The following MIF4GD variants were observed in gnomAD, a reference collection of about 807,000 sequenced individuals.
MIF4GD encodes MIF4G domain containing.
MIF4GD carries 22 observed loss-of-function variants against 26.7 expected under a neutral mutation model. The ratio of observed to expected loss-of-function variants is 0.82; its 90% confidence interval spans 0.59 to 1.18. The LOEUF (loss-of-function observed/expected upper bound fraction) is 1.18. MIF4GD is among the 50% of genes most tolerant of loss of function. MIF4GD has a pLI of 0.00. For synonymous variants in MIF4GD, 137 were observed against 111.6 expected (o/e 1.23, Z -1.43); for missense variants, 262 against 279.6 (o/e 0.94, Z 0.45).
In MIF4GD at chr17:75,270,425, C is replaced by A; in HGVS notation, c.-50-180G>T. The A allele has an allele frequency of 1.8e-6, 1 of 543,382 alleles. No homozygotes were observed. The highest frequency in any genetic ancestry group is 3.2e-5 in the Admixed American group (1 of 31,694). 33.7% of individuals were successfully genotyped at this position (543,382 alleles called of 1,614,324 possible). On this transcript the variant is annotated intron_variant, in intron 1 of 5. Coordinates refer to ENST00000325102, the MANE Select transcript of MIF4GD (RefSeq NM_001370592.1). This position sits in a 1 kb window ranked among gnomAD's most constrained non-coding sequence, Gnocchi z 5.7. ...CTTCTGGTGGGGACTGGGCATCAGCCAGGCACCTGCTGCTCAGTTTAGAAA... is the reference window on the plus strand; with the variant it reads ...CTTCTGGTGGGGACTGGGCATCAGCAAGGCACCTGCTGCTCAGTTTAGAAA...
At position 75,268,205 on chromosome 17, in the gene MIF4GD, A is replaced by G. The variant is rs201890407; in HGVS notation, c.83-13T>C. The stretch of plus-strand genomic sequence containing the variant: ...ACAGCACCCGGATCTAGGGGTAGAG[A>G]TAGGAGGGGAGTCTAGAGCTGCTGC... On this transcript the variant is annotated splice_polypyrimidine_tract_variant and intron_variant, in intron 2 of 5. Coordinates refer to ENST00000325102, the MANE Select transcript of MIF4GD (RefSeq NM_001370592.1). The G allele has an allele frequency of 6.2e-7, 1 of 1,602,840 alleles. No individual in the cohort carries two copies. The highest frequency in any genetic ancestry group is 8.5e-7 in the Non-Finnish European group (1 of 1,169,752).
rs973041400 is a variant in MIF4GD at position 75,267,181 on chromosome 17, G to A, written c.442-214C>T. On this transcript the variant is annotated intron_variant, in intron 5 of 5. Coordinates refer to ENST00000325102, the MANE Select transcript of MIF4GD (RefSeq NM_001370592.1). ...ATCTGGCCAGGCTCCACTCAAGCCT[G>A]TCTCCAAACCACTTCTTCATCCCAC... is the stretch of plus-strand genomic sequence containing the variant. 9.9e-5 allele frequency among the ~76,000 whole-genome samples: 6 copies of A among 60,386 alleles called. No individual in the cohort carries two copies. The South Asian group carries it at 3.1e-3, about 31-fold the overall frequency. 39.6% of individuals were successfully genotyped at this position (60,386 alleles called of 152,430 possible). A position where few individuals can be genotyped will look rare whatever the true frequency, so the allele number is the denominator to read the frequency against.
intron 2 of MIF4GD, chr17:75,269,491 C>T (rs773711408): frequency 1.3e-6 from 2 of 1,593,564 alleles, no homozygotes; most frequent in South Asian, 2.2e-5. Flanking sequence ...CAGAAACCAG[C>T]AATTCAAATG....
chr17:75,269,742 T>TC (rs1491340233), intron 2 of MIF4GD, among the ~76,000 whole-genome samples: 1 of 75,260 alleles, frequency 1.3e-5, no homozygotes, highest in African/African-American at 5.7e-5. Context: ...CTTTTCTTTC[T>TC]TTTTTTTTTT....
chr17:75,266,896 A>G lies in MIF4GD; in HGVS notation c.513T>C (p.Asp171=), dbSNP rs1186561767. The G allele has an allele frequency of 6.2e-7, 1 of 1,613,740 alleles. No individual in the cohort carries two copies. Among genetic ancestry groups the G allele is most frequent in the Non-Finnish European group, 8.5e-7 (1 of 1,179,642 alleles). The change falls in exon 6 of 6, where the codon GAT becomes GAC. Residue 171 remains aspartate (D), a synonymous_variant. Transcript: ENST00000325102. ...QLEKMNGQRM[D]ELFVLIRDGF... is the part of the protein sequence containing the mutation. ...CATCCCGGATCAGCACAAAGAGCTC[A>G]TCCATGCGCTGCCCATTCATTTTCT...
intron 2 of MIF4GD, among the ~76,000 whole-genome samples, 166 bp downstream of exon 2, chr17:75,269,948 G>A (rs2077668363): frequency 6.6e-6 from 1 of 151,908 alleles, no homozygotes; most frequent in Non-Finnish European, 1.5e-5. Flanking sequence ...CAAAATAATG[G>A]CCTCAATGTA....
In MIF4GD at chr17:75,267,816, A is replaced by T; in HGVS notation, c.278T>A (p.Leu93Gln). 1 of 1,614,078 alleles carries T rather than the reference A, an allele frequency of 6.2e-7. No homozygotes were observed. The highest frequency in any genetic ancestry group is 8.5e-7 in the Non-Finnish European group (1 of 1,180,010). Residue 93 changes from leucine to glutamine, a missense_variant, in exon 4 of 6, where the codon CTG becomes CAG. Transcript: ENST00000325102. ...LQQEYQAREQ[L>Q]RARSLQGWVC... ...CCAGCCCTGCAGGGAGCGTGCTCGC[A>T]GCTGCTCCCGAGCCTGGTACTCCTG...
Position 75,266,794 on chromosome 17 carries a change from G to A in MIF4GD, c.615C>T (p.Gly205=). 6.2e-7 allele frequency: 1 copy of A among 1,614,216 alleles called. No individual in the cohort carries two copies. Among genetic ancestry groups the A allele is most frequent in the Non-Finnish European group, 8.5e-7 (1 of 1,180,036 alleles). Residue 205 remains glycine, a synonymous_variant, in exon 6 of 6, where the codon GGC becomes GGT. Transcript: ENST00000325102. The part of the protein sequence containing the change: ...LLEIIEFRAA[G]WKTTPAAHKY... ...TGTGGGCAGCTGGCGTTGTCTTCCAGCCGGCCGCCCGGAACTCAATGATCT... is the reference window on the plus strand; with the variant it reads ...TGTGGGCAGCTGGCGTTGTCTTCCAACCGGCCGCCCGGAACTCAATGATCT...
chr17:75,267,021 A>C, intron 5 of MIF4GD, 54 bp from the exon 6 acceptor site: 1 of 1,513,724 alleles, frequency 6.6e-7, no homozygotes, highest in Non-Finnish European at 9.0e-7. Context: ...CCAGCCTCTC[A>C]CACAGCATTT....
At position 75,266,965 on chromosome 17, in the gene MIF4GD, C is replaced by G; in HGVS notation, c.444G>C (p.Val148=). 6.2e-7 allele frequency: 1 copy of G among 1,612,960 alleles called. No homozygotes were observed. Among genetic ancestry groups the G allele is most frequent in the Non-Finnish European group, 8.5e-7 (1 of 1,179,586 alleles). Residue 148 remains valine (V), a splice_region_variant and synonymous_variant, in exon 6 of 6, where the codon GTG becomes GTC. Transcript: ENST00000325102. The stretch of plus-strand genomic sequence containing the variant: ...GGTGCAGCTGCAGCACCAAACAGTC[C>G]ACCTGCAGGCGACAGTGTGGGTAAC... The part of the protein sequence containing the change: ...QPDSLSKEEE[V]DCLVLQLHRV...
In MIF4GD at chr17:75,268,284, G is replaced by A. The variant is rs968418727; in HGVS notation, c.83-92C>T. ...AAGAATTTGAGATATTTACAGTAGA[G>A]CACTCATATGCTTGAAGTGAAAGAG... On this transcript the variant is annotated intron_variant, in intron 2 of 5. Coordinates refer to ENST00000325102, the MANE Select transcript of MIF4GD (RefSeq NM_001370592.1). 3 of 924,322 alleles carry A rather than the reference G, an allele frequency of 3.2e-6. No homozygotes were observed. The African/African-American group carries it at 4.9e-5, about 15-fold the overall frequency. 57.3% of individuals were successfully genotyped at this position (924,322 alleles called of 1,614,324 possible).
chr17:75,270,350 C>A lies in MIF4GD; in HGVS notation c.-50-105G>T. ...GACGGCGCGCTCGGGACAGGGACTC[C>A]TGGGCGGTCCGTGGCGTGCGGTGGT... On this transcript the variant is annotated intron_variant, in intron 1 of 5. Coordinates refer to ENST00000325102, the MANE Select transcript of MIF4GD (RefSeq NM_001370592.1). This position sits in a 1 kb window ranked among gnomAD's most constrained non-coding sequence, Gnocchi z 5.7. 1 of 651,200 alleles carries A rather than the reference C, an allele frequency of 1.5e-6. No homozygotes were observed. The highest frequency in any genetic ancestry group is 2.7e-6 in the Non-Finnish European group (1 of 369,010). The allele number at this position is 651,200 out of a possible 1,614,324, so 40.3% of individuals were successfully genotyped here. A position where few individuals can be genotyped will look rare whatever the true frequency, so the allele number is the denominator to read the frequency against.
At chr17:75,267,451 C>T (rs2077534286) in intron 5 of MIF4GD, 87 bp downstream of exon 5, 1 of 1,338,054 alleles carries the variant, frequency 7.5e-7, no homozygotes, top group Non-Finnish European at 1.1e-6. Flanking sequence ...CCTCAGAGAC[C>T]TCCGTGAGCA....
At chr17:75,269,286 C>A in intron 2 of MIF4GD, 1 of 1,595,894 alleles carries the variant, frequency 6.3e-7, no homozygotes, top group Non-Finnish European at 8.5e-7. Context: ...CCACATAGGG[C>A]CTCCCAACAG....
At chr17:75,267,954 C>T in intron 3 of MIF4GD, 53 bp from the exon 4 acceptor site, 2 of 1,600,004 alleles carry the variant, frequency 1.3e-6, no homozygotes, top group Non-Finnish European at 1.7e-6. Flanking sequence ...CCCTGTAACC[C>T]CACCCATCCT....
chr17:75,267,633 G>A lies in MIF4GD; in HGVS notation c.349-3C>T. The A allele has an allele frequency of 6.2e-7, 1 of 1,614,214 alleles. No individual in the cohort carries two copies. The highest frequency in any genetic ancestry group is 8.5e-7 in the Non-Finnish European group (1 of 1,180,030). On this transcript the variant is annotated splice_polypyrimidine_tract_variant and splice_region_variant and intron_variant, in intron 4 of 5. Coordinates refer to ENST00000325102, the MANE Select transcript of MIF4GD (RefSeq NM_001370592.1). ...GCCATCATGGGCATGTTGTTCACCTGTGAGGAAGAGGAGGGGTCAGAGCAC... is the reference window on the plus strand; with the variant it reads ...GCCATCATGGGCATGTTGTTCACCTATGAGGAAGAGGAGGGGTCAGAGCAC...
chr17:75,269,465 C>T (rs773787344), intron 2 of MIF4GD: 20 of 1,610,990 alleles, frequency 1.2e-5, no homozygotes, highest in South Asian at 2.2e-5. Flanking sequence ...ATTCAAGAGA[C>T]GGGGCTATGG....
At position 75,268,074 on chromosome 17, in the gene MIF4GD, A is replaced by G; in HGVS notation, c.192+9T>C. 1 of 1,613,360 alleles carries G rather than the reference A, an allele frequency of 6.2e-7. No individual in the cohort carries two copies. Among genetic ancestry groups the G allele is most frequent in the Non-Finnish European group, 8.5e-7 (1 of 1,179,624 alleles). On this transcript the variant is annotated intron_variant, in intron 3 of 5. Transcript: ENST00000325102. ...CAAAGCAGCTTCCTTTCCTCTCCCA[A>G]CCCCCAACCTGAATGATGGCGTAGC...
At position 75,268,175 on chromosome 17, in the gene MIF4GD, A is replaced by G; in HGVS notation, c.100T>C (p.Leu34=). The G allele has an allele frequency of 6.2e-7, 1 of 1,614,182 alleles. No homozygotes were observed. The highest frequency in any genetic ancestry group is 1.6e-4 in the Middle Eastern group (1 of 6,062). ...TALKDPGAVD[L]EKVANVIVDH... The stretch of plus-strand genomic sequence containing the variant: ...ACAATCACATTGGCCACTTTCTCCA[A>G]GTCCACAGCACCCGGATCTAGGGGT... The change falls in exon 3 of 6, where the codon TTG becomes CTG. Residue 34 remains leucine (L), a synonymous_variant. Transcript: ENST00000325102.
Sources: gnomAD v4.1 joint callset for allele counts (sites outside exome capture counted in the v4.1 genomes callset) on GRCh38, gnomAD v4.1.1 for gene constraint, Gnocchi (gnomAD v3.1) non-coding constraint, MANE v1.5 for transcripts, NCBI Gene and HGNC (gene_info 2026-07-23, HGNC 2026-07-21) for gene names.